CEP170: variants seen among roughly 807,000 people sequenced by gnomAD.
The protein encoded by CEP170 is centrosomal protein of 170 kDa.
A neutral mutation model predicts 151.9 loss-of-function variants in CEP170; 21 were observed. The observed-to-expected ratio is 0.14, with a 90% CI of 0.10 to 0.20. The LOEUF is 0.20. CEP170 is among the 10% of genes least tolerant of loss of function. CEP170 has a pLI of 1.00. For synonymous variants in CEP170, 356 were observed against 648.8 expected (o/e 0.55, Z 6.86); for missense variants, 964 against 1,892.9 (o/e 0.51, Z 9.11).
In CEP170 at chr1:243,151,119, C is replaced by T. The variant is rs77045803; in HGVS notation, c.3911+5102G>A. ...ATTTACTCTTTACGAATGACTACAA[C>T]GATGAGTCTAGCCCTCACGGCTTCC... is the stretch of plus-strand genomic sequence containing the variant. On this transcript the variant is annotated intron_variant, in intron 14 of 19. Coordinates refer to ENST00000366542, the MANE Select transcript of CEP170 (RefSeq NM_014812.3). 4.6e-5 allele frequency among the ~76,000 whole-genome samples: 7 copies of T among 152,254 alleles called. No homozygotes were observed. In the East Asian group the frequency reaches 7.7e-4, roughly 17 times the overall value.
At chr1:243,127,336 AG>A (rs2053820837) in intron 19 of CEP170, among the ~76,000 whole-genome samples, 1 of 152,218 alleles carries the variant, frequency 6.6e-6, no homozygotes, top group African/African-American at 2.4e-5. Flanking sequence ...CCTATATGGA[AG>A]GGGTCAGTTA....
intron 11 of CEP170, among the ~76,000 whole-genome samples, chr1:243,172,408 G>T (rs1460872606): frequency 2.0e-5 from 3 of 152,234 alleles, no homozygotes; most frequent in Non-Finnish European, 4.4e-5. Context: ...GCTGAGGCGG[G>T]TGGATCACTT....
At chr1:243,170,307 C>A (rs1287802093) in intron 11 of CEP170, among the ~76,000 whole-genome samples, 1 of 151,856 alleles carries the variant, frequency 6.6e-6, no homozygotes, top group African/African-American at 2.4e-5. Context: ...ATTGCTTGAA[C>A]CCAGGAGGTG....
intron 4 of CEP170, among the ~76,000 whole-genome samples, chr1:243,206,219 C>T (rs1440941051): frequency 6.6e-6 from 1 of 152,156 alleles, no homozygotes; most frequent in Admixed American, 6.5e-5. Context: ...TTGCAACCTC[C>T]GCCTTCTGGG....
At chr1:243,156,189 T>C in intron 14 of CEP170, 32 bp downstream of exon 14, 1 of 1,554,520 alleles carries the variant, frequency 6.4e-7, no homozygotes, top group Non-Finnish European at 8.7e-7. Context: ...ATAGAAATTT[T>C]GAATTCTTAA....
At chr1:243,200,203 A>T (rs1185722951) in intron 6 of CEP170, among the ~76,000 whole-genome samples, 4 of 152,116 alleles carry the variant, frequency 2.6e-5, no homozygotes, top group African/African-American at 9.7e-5. Context: ...GCCATTTTAC[A>T]TAAGGAACTT....
chr1:243,229,852 C>CA (rs893070688), intron 1 of CEP170, among the ~76,000 whole-genome samples: 3 of 152,208 alleles, frequency 2.0e-5, no homozygotes, highest in African/African-American at 7.2e-5. Context: ...ATATTGAAAG[C>CA]AATCTTTATC....
At chr1:243,126,782 C>T in intron 19 of CEP170, 44 bp from the exon 20 acceptor site, 1 of 1,505,862 alleles carries the variant, frequency 6.6e-7, no homozygotes, top group Non-Finnish European at 8.9e-7. Flanking sequence ...CAGTTACATT[C>T]ACATATAAAC....
At chr1:243,252,260 G>T (rs1194430675) in intron 1 of CEP170, among the ~76,000 whole-genome samples, 1 of 152,146 alleles carries the variant, frequency 6.6e-6, no homozygotes, top group Non-Finnish European at 1.5e-5. Flanking sequence ...ATATCAGGTT[G>T]TCTGTCAGAT....
chr1:243,220,127 G>A (rs574391967), intron 3 of CEP170, among the ~76,000 whole-genome samples: 1 of 152,152 alleles, frequency 6.6e-6, no homozygotes, highest in African/African-American at 2.4e-5. Context: ...TAAGTAAACG[G>A]GCCTTTGTTT....
intron 1 of CEP170, among the ~76,000 whole-genome samples, chr1:243,235,701 A>AT (rs1315212629): frequency 6.6e-6 from 1 of 152,114 alleles, no homozygotes; most frequent in East Asian, 1.9e-4. Flanking sequence ...AAAAATTCTC[A>AT]TAAAAATAAG....
chr1:243,199,701 C>T (rs1006006158), intron 6 of CEP170, among the ~76,000 whole-genome samples: 1 of 151,658 alleles, frequency 6.6e-6, no homozygotes, highest in African/African-American at 2.4e-5. Flanking sequence ...GACACAAAAA[C>T]TAGTTCTTAA....
At chr1:243,180,208 G>T (rs1280501886) in intron 10 of CEP170, among the ~76,000 whole-genome samples, 8 of 152,040 alleles carry the variant, frequency 5.3e-5, no homozygotes, top group Admixed American at 2.0e-4. Context: ...TTAGATTGAG[G>T]GCACAATTTC....
chr1:243,140,127 C>T lies in CEP170; in HGVS notation c.4060-20G>A. 1 of 1,606,366 alleles carries T rather than the reference C, an allele frequency of 6.2e-7. No homozygotes were observed. The highest frequency in any genetic ancestry group is 8.5e-7 in the Non-Finnish European group (1 of 1,175,544). ...AACCAACTAATGGGACGAAAGCAAA[C>T]CTTTATGAGAACACAGTAATTTGAA... On this transcript the variant is annotated intron_variant, in intron 15 of 19. Transcript: ENST00000366542.
At chr1:243,255,544 G>A (rs1382370389), upstream of CEP170, among the ~76,000 whole-genome samples, 1 of 152,252 alleles carries the variant, frequency 6.6e-6, no homozygotes, top group Non-Finnish European at 1.5e-5. Flanking sequence ...TGCTGGGCAT[G>A]CTAGGAGTTG....
intron 17 of CEP170, among the ~76,000 whole-genome samples, chr1:243,133,710 T>C (rs983237717): frequency 6.6e-6 from 1 of 152,170 alleles, no homozygotes; most frequent in East Asian, 1.9e-4. Context: ...TAGCAAATCA[T>C]AGGTGAATGG....
chr1:243,138,850 G>T (rs2148282037), intron 16 of CEP170, among the ~76,000 whole-genome samples: 1 of 152,280 alleles, frequency 6.6e-6, no homozygotes, highest in East Asian at 1.9e-4. Context: ...GCTAGATCAT[G>T]TGATGTCTTT....
intron 7 of CEP170, among the ~76,000 whole-genome samples, chr1:243,198,692 T>C (rs2060821058): frequency 6.6e-6 from 1 of 152,160 alleles, no homozygotes; most frequent in East Asian, 1.9e-4. Flanking sequence ...GGGGATCTAA[T>C]AAAAACGCAA....
intron 1 of CEP170, among the ~76,000 whole-genome samples, chr1:243,243,695 T>C (rs1316885786): frequency 1.3e-5 from 2 of 151,920 alleles, no homozygotes; most frequent in Non-Finnish European, 2.9e-5. Flanking sequence ...AGCTCATTTT[T>C]GTATTTTTTT....
Sources: allele counts gnomAD v4.1 joint callset (sites outside exome capture counted in the v4.1 genomes callset), GRCh38; gene constraint gnomAD v4.1.1; transcripts MANE v1.5; gene names NCBI Gene and HGNC (gene_info 2026-07-23, HGNC 2026-07-21).